SEMA6D: variants seen among roughly 807,000 people sequenced by gnomAD.
SEMA6D encodes semaphorin 6D.
Under a neutral mutation model 106.6 loss-of-function variants are expected in SEMA6D, and 35 were observed. That is an observed-to-expected ratio of 0.33 (90% CI 0.25 to 0.44). The LOEUF is 0.44. Among genes scored for constraint, SEMA6D ranks in the 20% least tolerant of loss-of-function variants. The pLI is 1.00. For synonymous variants in SEMA6D, 499 were observed against 487.7 expected (o/e 1.02, Z -0.31); for missense variants, 1,185 against 1,345.9 (o/e 0.88, Z 1.87).
chr15:47,668,095 G>A (rs2078063862), intron 4 of SEMA6D, among the ~76,000 whole-genome samples: 1 of 152,182 alleles, frequency 6.6e-6, no homozygotes, highest in Non-Finnish European at 1.5e-5. Context: ...TTGGAAAAAT[G>A]AATGCCTTAG....
chr15:47,356,006 C>T lies in SEMA6D; in HGVS notation c.-238-56387C>T, dbSNP rs542504989. On this transcript the variant is annotated intron_variant, in intron 1 of 19. Coordinates refer to the SEMA6D transcript ENST00000558014. ...AGAATTTCAGAGCTCCAAAGAGGGA[C>T]AGTCTAACCCAGAGGGAAATTCAGA... is the stretch of plus-strand genomic sequence containing the variant. Among the ~76,000 whole-genome samples, 20 of 152,306 alleles carry T rather than the reference C, an allele frequency of 1.3e-4. No individual in the cohort carries two copies. The East Asian group carries it at 3.7e-3, about 28-fold the overall frequency.
chr15:47,194,980 G>A (rs1894236246), intron 1 of SEMA6D, among the ~76,000 whole-genome samples: 1 of 152,146 alleles, frequency 6.6e-6, no homozygotes, highest in South Asian at 2.1e-4. Context: ...GCACTTACCA[G>A]AATAGCATTA....
At chr15:47,386,570 G>A (rs574470444) in intron 1 of SEMA6D, among the ~76,000 whole-genome samples, 12 of 152,288 alleles carry the variant, frequency 7.9e-5, no homozygotes, top group African/African-American at 2.9e-4. Context: ...AGGCCATCGG[G>A]GAGTCCTGGA....
chr15:47,702,253 A>G (rs1228101408), intron 4 of SEMA6D, among the ~76,000 whole-genome samples: 1 of 152,222 alleles, frequency 6.6e-6, no homozygotes, highest in Non-Finnish European at 1.5e-5. Context: ...ACAGATAGCA[A>G]ATAAACATAT....
At chr15:47,685,619 C>CT (rs1239166044) in intron 4 of SEMA6D, among the ~76,000 whole-genome samples, 2 of 152,174 alleles carry the variant, frequency 1.3e-5, no homozygotes, top group Admixed American at 1.3e-4. Context: ...CACCACAGAG[C>CT]AAGCCACATC....
At chr15:47,348,721 C>CAGAGAGAG (rs1313096616) in intron 1 of SEMA6D, among the ~76,000 whole-genome samples, 14 of 24,668 alleles carry the variant, frequency 5.7e-4, no homozygotes, top group African/African-American at 1.3e-3. Context: ...ACACACACCA[C>CAGAGAGAG]ACACACAGAG....
At chr15:47,448,234 G>A (rs915938296) in intron 2 of SEMA6D, among the ~76,000 whole-genome samples, 46 of 152,058 alleles carry the variant, frequency 3.0e-4, no homozygotes, top group African/African-American at 1.1e-3. Context: ...ATTGTACCAC[G>A]ACGCCTGGGC....
At chr15:47,355,410 G>A (rs1036099907) in intron 1 of SEMA6D, among the ~76,000 whole-genome samples, 1 of 152,054 alleles carries the variant, frequency 6.6e-6, no homozygotes, top group African/African-American at 2.4e-5. Context: ...TTATAATGAT[G>A]GTGCCTAAGA....
chr15:47,706,456 A>G (rs141376566), intron 4 of SEMA6D, among the ~76,000 whole-genome samples: 2 of 152,212 alleles, frequency 1.3e-5, no homozygotes, highest in Non-Finnish European at 2.9e-5. Context: ...ATGACATTCT[A>G]TGTAAGTTGA....
At chr15:47,521,298 C>G (rs1043765575) in intron 3 of SEMA6D, among the ~76,000 whole-genome samples, 2 of 152,156 alleles carry the variant, frequency 1.3e-5, no homozygotes, top group African/African-American at 2.4e-5. Flanking sequence ...AAGCATCAGG[C>G]TCCACGGAAC....
intron 3 of SEMA6D, among the ~76,000 whole-genome samples, chr15:47,553,196 G>A (rs992703279): frequency 6.6e-6 from 1 of 151,544 alleles, no homozygotes; most frequent in Non-Finnish European, 1.5e-5. Flanking sequence ...GAGCCACCGC[G>A]CCCAGCCAAC....
chr15:47,402,276 G>A (rs904623155), intron 1 of SEMA6D, among the ~76,000 whole-genome samples: 3 of 152,296 alleles, frequency 2.0e-5, no homozygotes, highest in African/African-American at 7.2e-5. Context: ...TTTGATTGAA[G>A]GTTCTTCTTG....
intron 4 of SEMA6D, among the ~76,000 whole-genome samples, chr15:47,657,880 AC>A (rs1207882648): frequency 6.6e-6 from 1 of 150,886 alleles, no homozygotes; most frequent in Non-Finnish European, 1.5e-5. Context: ...AGCTGGGACT[AC>A]AGGGACCCCC....
intron 3 of SEMA6D, among the ~76,000 whole-genome samples, chr15:47,552,864 AT>A (rs1170617364): frequency 2.8e-4 from 18 of 64,640 alleles, no homozygotes; most frequent in African/African-American, 2.3e-3. Flanking sequence ...ATATATATAT[AT>A]TTTTATATAT....
intron 3 of SEMA6D, among the ~76,000 whole-genome samples, chr15:47,561,401 G>T (rs1333546806): frequency 6.6e-6 from 1 of 151,950 alleles, no homozygotes; most frequent in Non-Finnish European, 1.5e-5. Flanking sequence ...CTTCAAAAAT[G>T]AAGGTGAAAT....
At chr15:47,578,849 A>G (rs2076204529) in intron 3 of SEMA6D, among the ~76,000 whole-genome samples, 1 of 152,248 alleles carries the variant, frequency 6.6e-6, no homozygotes, top group Admixed American at 6.5e-5. Flanking sequence ...TGTCTTTACA[A>G]CAGTTGGGAT....
chr15:47,325,714 A>G (rs948600744), intron 1 of SEMA6D, among the ~76,000 whole-genome samples: 4 of 152,072 alleles, frequency 2.6e-5, no homozygotes, highest in Non-Finnish European at 1.5e-5. Context: ...CAGTCTCTCC[A>G]TTTACCATAC....
At chr15:47,273,591 G>A (rs781105188) in intron 1 of SEMA6D, among the ~76,000 whole-genome samples, 26 of 152,102 alleles carry the variant, frequency 1.7e-4, no homozygotes, top group African/African-American at 2.4e-4. Context: ...ATCCTTAGCC[G>A]GAAAATATGT....
At chr15:47,768,528 C>CA (rs951093415) in intron 17 of SEMA6D, 53 bp from the exon 18 acceptor site, 28 of 1,405,512 alleles carry the variant, frequency 2.0e-5, no homozygotes, top group South Asian at 1.0e-4. Flanking sequence ...ACAGACCAAT[C>CA]AAAAAAAATC....
Sources: allele counts gnomAD v4.1 joint callset (sites outside exome capture counted in the v4.1 genomes callset), GRCh38; gene constraint gnomAD v4.1.1; transcripts MANE v1.5; gene names NCBI Gene and HGNC (gene_info 2026-07-23, HGNC 2026-07-21).